SLC37A1: variants seen among roughly 807,000 people sequenced by gnomAD.
SLC37A1 encodes the protein glucose-6-phosphate exchanger SLC37A1.
SLC37A1 carries 49 observed loss-of-function variants against 75.3 expected under a neutral mutation model. That is an observed-to-expected ratio of 0.65 (90% confidence interval 0.52 to 0.83). The LOEUF (loss-of-function observed/expected upper bound fraction) is 0.83, where lower values mean the gene tolerates loss of function less well. Among genes scored for constraint, SLC37A1 ranks in the 40% least tolerant of loss-of-function variants. The pLI is 0.00. For missense variants in SLC37A1, 566 were observed against 695.0 expected, an observed-to-expected ratio of 0.81 and a Z score of 2.09; for synonymous variants, 268 against 292.1, an observed-to-expected ratio of 0.92 and a Z score of 0.84.
intron 18 of SLC37A1, chr21:42,575,569 G>T (rs2056289214): frequency 1.0e-6 from 1 of 985,244 alleles, no homozygotes; most frequent in South Asian, 4.7e-5. Flanking sequence ...TGATGTCACA[G>T]TCACATAGAT....
At chr21:42,526,003 G>T in intron 3 of SLC37A1, 146 bp downstream of exon 3, 3 of 549,436 alleles carry the variant, frequency 5.5e-6, no homozygotes, top group Non-Finnish European at 6.4e-6. Context: ...TGGCTTTTCG[G>T]TTTCCCTTTG....
chr21:42,570,212 A>G (rs111362590), intron 17 of SLC37A1, among the ~76,000 whole-genome samples: 24,910 of 41,424 alleles, frequency 0.6, 8,427 homozygotes, highest in Admixed American at 0.69. Flanking sequence ...GAGAAGCGGC[A>G]GGCAGGGTGG....
At chr21:42,565,385 C>T (rs2055950169) in intron 14 of SLC37A1, among the ~76,000 whole-genome samples, 1 of 152,274 alleles carries the variant, frequency 6.6e-6, no homozygotes, top group Non-Finnish European at 1.5e-5. Context: ...GGCTTTCAGC[C>T]ATCTTGGGGT....
chr21:42,530,701 C>T (rs2054945870), intron 3 of SLC37A1, among the ~76,000 whole-genome samples: 1 of 151,008 alleles, frequency 6.6e-6, no homozygotes, highest in Admixed American at 6.6e-5. Flanking sequence ...CCTAACCCCA[C>T]TGTCCTCCAG....
chr21:42,579,064 T>C (rs2056364054), intron 18 of SLC37A1, among the ~76,000 whole-genome samples: 1 of 152,182 alleles, frequency 6.6e-6, no homozygotes, highest in African/African-American at 2.4e-5. Context: ...ACTAGTTAAA[T>C]TGGAGGTAGC....
rs1258832891 is a variant in SLC37A1, at chr21:42,559,043, G to T, written c.935G>T (p.Gly312Val). The change falls in exon 11 of 20, where the codon GGG (glycine) becomes GTG (valine). Residue 312 changes from glycine to valine, a missense_variant. Gly to Val is a moderately radical substitution (Grantham distance 109). Transcript: ENST00000352133. Reference sequence around the variant, plus strand: ...GTCGTCATTCTCCCCGGGGACGGTGGGAGTGGCACGGCCGCCATCAGCTTC... The same window carrying T: ...GTCGTCATTCTCCCCGGGGACGGTGTGAGTGGCACGGCCGCCATCAGCTTC... Reference protein sequence around the residue: ...NHVVILPGDGGSGTAAISFTG... With the variant: ...NHVVILPGDGVSGTAAISFTG... 2.5e-6 allele frequency: 4 copies of T among 1,613,548 alleles called. No homozygotes were observed. The highest frequency in any genetic ancestry group is 3.4e-6 in the Non-Finnish European group (4 of 1,179,856).
At chr21:42,575,246 T>C (rs567426115) in intron 18 of SLC37A1, 4 of 984,608 alleles carry the variant, frequency 4.1e-6, no homozygotes, top group Admixed American at 6.1e-5. Context: ...TTTCCACAGC[T>C]TTAAAATGGG....
In SLC37A1 at chr21:42,522,998, G is replaced by A. The variant is rs530276246; in HGVS notation, c.57-2778G>A. Among the ~76,000 whole-genome samples the A allele has an allele frequency of 3.9e-5, 6 of 152,362 alleles. No individual in the cohort carries two copies. The South Asian group carries it at 1.0e-3, about 26-fold the overall frequency. Reference sequence around the variant, plus strand: ...CCAAGCAGCCCTGACCATTGGGAACGCGGTGTGTGTCGGGGCCTCAGCACT... The same window carrying A: ...CCAAGCAGCCCTGACCATTGGGAACACGGTGTGTGTCGGGGCCTCAGCACT... On this transcript the variant is annotated intron_variant, in intron 2 of 19. Coordinates refer to ENST00000352133, the MANE Select transcript of SLC37A1 (RefSeq NM_001320537.2).
chr21:42,570,121 C>CCGT (rs1474128269), intron 17 of SLC37A1, among the ~76,000 whole-genome samples: 5 of 68,250 alleles, frequency 7.3e-5, no homozygotes, highest in Non-Finnish European at 8.0e-5. Context: ...GGCAGGGTGG[C>CCGT]TGTTGCCATG....
chr21:42,508,760 G>A (rs1188348526), intron 2 of SLC37A1: 1 of 152,184 alleles, frequency 6.6e-6, no homozygotes, highest in Non-Finnish European at 1.5e-5. Flanking sequence ...CACTCTCTCA[G>A]TTACTATTTC....
chr21:42,509,980 T>C (rs1225071722), upstream of SLC37A1, among the ~76,000 whole-genome samples: 1 of 152,258 alleles, frequency 6.6e-6, no homozygotes, highest in Non-Finnish European at 1.5e-5. This position sits in a 1 kb window ranked among gnomAD's most constrained non-coding sequence, Gnocchi z 4.2. Context: ...TGGCCTTCTC[T>C]GGGAGAATGT....
At chr21:42,570,428 G>A (rs1310375245) in intron 17 of SLC37A1, among the ~76,000 whole-genome samples, 1 of 152,240 alleles carries the variant, frequency 6.6e-6, no homozygotes, top group Non-Finnish European at 1.5e-5. Flanking sequence ...TCCTTTCACT[G>A]GATCCAGAGG....
intron 10 of SLC37A1, 72 bp downstream of exon 10, chr21:42,554,214 C>T: frequency 7.7e-7 from 1 of 1,294,488 alleles, no homozygotes; most frequent in Non-Finnish European, 1.1e-6. Context: ...CACGTCGGCT[C>T]TCTGTCCCTC....
rs1396110130 is a variant in SLC37A1, at chr21:42,580,330, C to T, written c.1587-15C>T. 2.5e-6 allele frequency: 4 copies of T among 1,612,150 alleles called. No individual in the cohort carries two copies. Among genetic ancestry groups the T allele is most frequent in the Admixed American group, 3.3e-5 (2 of 59,820 alleles). On this transcript the variant is annotated splice_polypyrimidine_tract_variant and intron_variant, in intron 19 of 19. Coordinates refer to ENST00000352133, the MANE Select transcript of SLC37A1 (RefSeq NM_001320537.2). ...CTGGCTGTTAGAGCAGCTCTTCTTT[C>T]AACCTTTCTTTCAGATTTAAGGAAC...
chr21:42,569,997 AGCGGCGG>A (rs2056087384), intron 17 of SLC37A1, among the ~76,000 whole-genome samples: 1 of 151,708 alleles, frequency 6.6e-6, no homozygotes, highest in South Asian at 2.1e-4. Flanking sequence ...TGTTCTGAGA[AGCGGCGG>A]GCAGGGTGGC....
intron 3 of SLC37A1, among the ~76,000 whole-genome samples, chr21:42,526,231 T>C (rs147734884): frequency 6.6e-6 from 1 of 152,364 alleles, no homozygotes; most frequent in Non-Finnish European, 1.5e-5. Flanking sequence ...GAGGTGGCTC[T>C]CCATTGTTCT....
At chr21:42,557,784 CT>C (rs66963176) in intron 10 of SLC37A1, among the ~76,000 whole-genome samples, 58,681 of 148,824 alleles carry the variant, frequency 0.39, 12,006 homozygotes, top group Admixed American at 0.57. Flanking sequence ...TTACCATTTT[CT>C]TTTTTTTTTT....
At chr21:42,573,850 T>A (rs1459978033) in intron 17 of SLC37A1, among the ~76,000 whole-genome samples, 2 of 152,104 alleles carry the variant, frequency 1.3e-5, no homozygotes, top group South Asian at 2.1e-4. Flanking sequence ...ATGCACCAGA[T>A]GCTACAAAAC....
chr21:42,506,990 C>T (rs1356786002), intron 2 of SLC37A1, among the ~76,000 whole-genome samples: 1 of 152,144 alleles, frequency 6.6e-6, no homozygotes, highest in Non-Finnish European at 1.5e-5. Context: ...TCAAACAATT[C>T]TCCTGTCTCA....
Sources: gnomAD v4.1 joint callset for allele counts (sites outside exome capture counted in the v4.1 genomes callset) on GRCh38, gnomAD v4.1.1 for gene constraint, Gnocchi (gnomAD v3.1) non-coding constraint, MANE v1.5 for transcripts, NCBI Gene and HGNC (gene_info 2026-07-23, HGNC 2026-07-21) for gene names.